Variants in PIK3C2G observed in about 807,000 individuals in gnomAD.
PIK3C2G encodes the protein phosphatidylinositol 3-kinase C2 domain-containing subunit gamma.
Under a neutral mutation model 181.1 loss-of-function variants are expected in PIK3C2G, and 168 were observed. The ratio of observed to expected loss-of-function variants is 0.93; its 90% confidence interval spans 0.82 to 1.05. The LOEUF is 1.05. Ranked by LOEUF, PIK3C2G falls within the 50% of genes least tolerant of loss-of-function variation. PIK3C2G has a pLI of 0.00. For missense variants in PIK3C2G, 1,869 were observed against 1,732.8 expected, an observed-to-expected ratio of 1.08 and a Z score of -1.40; for synonymous variants, 573 against 592.2, an observed-to-expected ratio of 0.97 and a Z score of 0.47.
At chr12:18,568,643 GT>G (rs1338536694) in intron 29 of PIK3C2G, among the ~76,000 whole-genome samples, 3 of 152,092 alleles carry the variant, frequency 2.0e-5, no homozygotes, top group Non-Finnish European at 4.4e-5. Context: ...AGAGTAATAT[GT>G]TTTACTCAAA....
At chr12:18,505,575 A>AT (rs1433285135) in intron 24 of PIK3C2G, 114 bp downstream of exon 24, 23 of 624,538 alleles carry the variant, frequency 3.7e-5, no homozygotes, top group Non-Finnish European at 4.8e-5. Flanking sequence ...AAATCCCCCC[A>AT]GGTAATATAA....
chr12:18,625,152 C>A (rs955111644), intron 31 of PIK3C2G, among the ~76,000 whole-genome samples: 65 of 151,636 alleles, frequency 4.3e-4, no homozygotes, highest in African/African-American at 1.5e-3. Context: ...TTGATATTGG[C>A]ATTTATTGTT....
chr12:18,297,021 T>C (rs11044012), intron 5 of PIK3C2G, among the ~76,000 whole-genome samples: 12,245 of 152,140 alleles, frequency 0.08, 544 homozygotes, highest in Non-Finnish European at 0.093. Context: ...TTTTCCATGC[T>C]CTTGTCCAAT....
At chr12:18,530,161 A>G (rs557632666) in intron 24 of PIK3C2G, among the ~76,000 whole-genome samples, 2 of 152,282 alleles carry the variant, frequency 1.3e-5, no homozygotes, top group Admixed American at 1.3e-4. Context: ...AGATGACCAT[A>G]CTTACTTTCT....
At chr12:18,520,697 C>T (rs928726064) in intron 24 of PIK3C2G, among the ~76,000 whole-genome samples, 1 of 152,150 alleles carries the variant, frequency 6.6e-6, no homozygotes, top group Non-Finnish European at 1.5e-5. Flanking sequence ...TATTACCCCC[C>T]TTCTGAAGCC....
chr12:18,268,779 A>G (rs1345926138), intron 1 of PIK3C2G, among the ~76,000 whole-genome samples: 1 of 152,176 alleles, frequency 6.6e-6, no homozygotes, highest in African/African-American at 2.4e-5. Context: ...TAAAATTACC[A>G]GTGTATTCAA....
the PIK3C2G span, among the ~76,000 whole-genome samples, chr12:18,723,747 G>A: frequency 1.3e-5 from 2 of 152,210 alleles, no homozygotes; most frequent in South Asian, 4.1e-4. Flanking sequence ...AAACCCAGTG[G>A]TTATAGGGAT....
intron 26 of PIK3C2G, 42 bp from the exon 27 acceptor site, chr12:18,562,661 A>C: frequency 8.5e-7 from 1 of 1,174,290 alleles, no homozygotes. Flanking sequence ...GAGTAGATGC[A>C]GAGGAGTGTC....
intron 24 of PIK3C2G, among the ~76,000 whole-genome samples, chr12:18,525,308 C>G (rs1056970607): frequency 6.6e-6 from 1 of 151,896 alleles, no homozygotes; most frequent in Non-Finnish European, 1.5e-5. Flanking sequence ...AGGAGAATCG[C>G]GTGAACCCGG....
At chr12:18,433,483 G>T (rs965982578) in intron 18 of PIK3C2G, among the ~76,000 whole-genome samples, 1 of 152,036 alleles carries the variant, frequency 6.6e-6, no homozygotes, top group African/African-American at 2.4e-5. Flanking sequence ...CCGAGATCAC[G>T]CCATTGCACT....
chr12:18,301,165 T>C (rs1950159223), intron 5 of PIK3C2G, among the ~76,000 whole-genome samples: 1 of 152,178 alleles, frequency 6.6e-6, no homozygotes, highest in Non-Finnish European at 1.5e-5. Flanking sequence ...TTTGACAGTT[T>C]GGCTACAATG....
chr12:18,269,205 C>A (rs563586770), intron 1 of PIK3C2G, among the ~76,000 whole-genome samples: 25 of 152,276 alleles, frequency 1.6e-4, no homozygotes, highest in African/African-American at 6.0e-4. Flanking sequence ...AGCCACTGTG[C>A]CAGCTGAAAC....
chr12:18,556,824 G>C (rs769533662), intron 26 of PIK3C2G, among the ~76,000 whole-genome samples: 3 of 152,078 alleles, frequency 2.0e-5, no homozygotes, highest in Non-Finnish European at 4.4e-5. Flanking sequence ...GATGAATAAT[G>C]GGATCAGAGT....
At chr12:18,504,560 A>G (rs997211456) in intron 23 of PIK3C2G, among the ~76,000 whole-genome samples, 2 of 152,154 alleles carry the variant, frequency 1.3e-5, no homozygotes, top group Non-Finnish European at 2.9e-5. Flanking sequence ...CAGCCCCTCC[A>G]TGCTAGGAGA....
chr12:18,619,785 C>T (rs537245674), intron 31 of PIK3C2G, among the ~76,000 whole-genome samples: 1 of 149,974 alleles, frequency 6.7e-6, no homozygotes, highest in East Asian at 1.9e-4. Flanking sequence ...TCCATAGTGG[C>T]GCGATCTCGG....
chr12:18,306,885 T>C (rs1380761004), intron 5 of PIK3C2G, among the ~76,000 whole-genome samples: 2 of 151,712 alleles, frequency 1.3e-5, no homozygotes, highest in African/African-American at 4.8e-5. Flanking sequence ...TATACATGAG[T>C]TTAATATTTC....
chr12:18,392,364 A>C (rs1179217271), intron 15 of PIK3C2G, among the ~76,000 whole-genome samples: 2 of 152,044 alleles, frequency 1.3e-5, no homozygotes, highest in Admixed American at 1.3e-4. Flanking sequence ...TTTTCTTTTG[A>C]GTAATCTTGC....
rs771977828 is a variant in PIK3C2G, at chr12:18,343,315, A to AT, written c.1396-4dup. ...GTGCGAATAACAAGTATAATTTTAC[A>AT]TTTTTTTTCAGAATTTTTATCAAAG... On this transcript the variant is annotated splice_polypyrimidine_tract_variant and intron_variant, in intron 9 of 32. Transcript: ENST00000538779. 186 of 1,311,602 alleles carry AT rather than the reference A, an allele frequency of 1.4e-4. No homozygotes were observed. Among genetic ancestry groups the AT allele is most frequent in the South Asian group, 2.6e-4 (20 of 75,848 alleles). The allele number at this position is 1,311,602 out of a possible 1,614,324, so 81.2% of individuals were successfully genotyped here.
Position 18,521,632 on chromosome 12 carries a change from G to T in PIK3C2G, c.3323+16171G>T, listed in dbSNP as rs144071280. ...CCAGGAGGGGTGGGGGGTTAGGAAG[G>T]GGGAGTGCAGCCTGGAGCTATAGAG... On this transcript the variant is annotated intron_variant, in intron 24 of 32. Coordinates refer to ENST00000538779, the MANE Select transcript of PIK3C2G (RefSeq NM_001288772.2). Among the ~76,000 whole-genome samples the T allele has an allele frequency of 3.3e-5, 5 of 152,294 alleles. No homozygotes were observed. The East Asian group carries it at 9.7e-4, about 30-fold the overall frequency.
Sources: gnomAD v4.1 joint callset for allele counts (sites outside exome capture counted in the v4.1 genomes callset) on GRCh38, gnomAD v4.1.1 for gene constraint, MANE v1.5 for transcripts, NCBI Gene and HGNC (gene_info 2026-07-23, HGNC 2026-07-21) for gene names.